The following HIVEP2 variants were observed in gnomAD, a reference collection of about 807,000 sequenced individuals.
The protein encoded by HIVEP2 is HIVEP zinc finger 2.
HIVEP2 carries 14 observed loss-of-function variants against 180.7 expected under a neutral mutation model. The ratio of observed to expected loss-of-function variants is 0.08; its 90% confidence interval spans 0.05 to 0.12. HIVEP2 has a LOEUF of 0.12. Among genes scored for constraint, HIVEP2 ranks in the 10% least tolerant of loss-of-function variants. HIVEP2 has a pLI of 1.00. For synonymous variants in HIVEP2, 1,184 were observed against 1,136.4 expected (o/e 1.04, Z -0.84); for missense variants, 2,579 against 3,008.5 (o/e 0.86, Z 3.34).
At position 142,814,649 on chromosome 6, in the gene HIVEP2, G is replaced by T. The variant is rs908360283; in HGVS notation, c.-528+22286C>A. 1.2e-4 allele frequency among the ~76,000 whole-genome samples: 18 copies of T among 152,220 alleles called. No individual in the cohort carries two copies. The East Asian group carries it at 3.5e-3, about 29-fold the overall frequency. On this transcript the variant is annotated intron_variant, in intron 2 of 9. Coordinates refer to ENST00000367603, the MANE Select transcript of HIVEP2 (RefSeq NM_006734.4). ...CTTGGATGTCTATAGTGATAGTGGG[G>T]CTTTGCATGGAAAGAAGGTAGGACA...
intron 3 of HIVEP2, 127 bp downstream of exon 3, chr6:142,783,394 T>C (rs1240139791): frequency 6.6e-6 from 1 of 151,070 alleles, no homozygotes; most frequent in African/African-American, 2.4e-5. Flanking sequence ...AAACAACACT[T>C]TTCTCTCTAG....
chr6:142,783,147 G>T (rs1775897112), intron 3 of HIVEP2, among the ~76,000 whole-genome samples: 3 of 151,908 alleles, frequency 2.0e-5, no homozygotes, highest in Admixed American at 2.0e-4. Flanking sequence ...GGCCAACATG[G>T]TGAAACCCTG....
At chr6:142,907,007 C>G (rs1463532258) in intron 1 of HIVEP2, among the ~76,000 whole-genome samples, 1 of 152,180 alleles carries the variant, frequency 6.6e-6, no homozygotes, top group Non-Finnish European at 1.5e-5. Flanking sequence ...CAACCAGTAC[C>G]TACCATAAAA....
intron 5 of HIVEP2, 92 bp from the exon 6 acceptor site, chr6:142,768,628 C>A: frequency 2.3e-6 from 3 of 1,331,566 alleles, no homozygotes; most frequent in South Asian, 1.3e-5. Context: ...TGAAAATGAG[C>A]CTAAATTCTG....
At chr6:142,776,372 G>A (rs1775699774) in intron 3 of HIVEP2, among the ~76,000 whole-genome samples, 181 bp from the exon 4 acceptor site, 1 of 152,132 alleles carries the variant, frequency 6.6e-6, no homozygotes, top group Non-Finnish European at 1.5e-5. Context: ...ACCTTACACT[G>A]ACACTGTGAC....
intron 1 of HIVEP2, among the ~76,000 whole-genome samples, chr6:142,875,546 C>A (rs1776413420): frequency 6.6e-6 from 1 of 152,154 alleles, no homozygotes; most frequent in Non-Finnish European, 1.5e-5. Flanking sequence ...AGGACAGATG[C>A]TGGTGGCTTG....
intron 1 of HIVEP2, among the ~76,000 whole-genome samples, chr6:142,880,093 C>T (rs753170802): frequency 1.3e-5 from 2 of 152,142 alleles, no homozygotes; most frequent in Non-Finnish European, 2.9e-5. Flanking sequence ...CCTACCCCCT[C>T]ACTACTCCTC....
intron 9 of HIVEP2, among the ~76,000 whole-genome samples, chr6:142,755,023 C>A (rs9496453): frequency 0.14 from 21,534 of 152,122 alleles, 1,676 homozygotes; most frequent in Middle Eastern, 0.2. Flanking sequence ...TAGATATAAA[C>A]CCATACAGTA....
intron 1 of HIVEP2, among the ~76,000 whole-genome samples, chr6:142,854,735 C>T (rs910517535): frequency 2.0e-5 from 3 of 152,328 alleles, no homozygotes; most frequent in South Asian, 4.1e-4. Context: ...CCACATCCTG[C>T]TTCTTAAGCT....
intron 7 of HIVEP2, among the ~76,000 whole-genome samples, chr6:142,762,685 A>C (rs947715015): frequency 1.3e-5 from 2 of 152,208 alleles, no homozygotes; most frequent in African/African-American, 4.8e-5. Context: ...TCAGCCTGCT[A>C]GCACAGTTTA....
chr6:142,765,530 G>A (rs1460893724), intron 6 of HIVEP2, among the ~76,000 whole-genome samples: 2 of 152,190 alleles, frequency 1.3e-5, no homozygotes, highest in Non-Finnish European at 2.9e-5. Context: ...TACACAGGGT[G>A]AGCTCAGCTC....
chr6:142,775,397 A>G (rs1775673009), intron 4 of HIVEP2, among the ~76,000 whole-genome samples: 1 of 152,166 alleles, frequency 6.6e-6, no homozygotes, highest in Non-Finnish European at 1.5e-5. Flanking sequence ...TTGAAGGAAA[A>G]TCCTTGATGG....
chr6:142,812,630 AG>A (rs1776728572), intron 2 of HIVEP2, among the ~76,000 whole-genome samples: 1 of 152,220 alleles, frequency 6.6e-6, no homozygotes, highest in Non-Finnish European at 1.5e-5. Context: ...TGACCTATAA[AG>A]AGGAGAAAAA....
chr6:142,904,779 T>G (rs1777221948), intron 1 of HIVEP2, among the ~76,000 whole-genome samples: 1 of 152,192 alleles, frequency 6.6e-6, no homozygotes, highest in Non-Finnish European at 1.5e-5. Context: ...CAAGATCAGT[T>G]TATTATCCAT....
chr6:142,795,191 A>T (rs1332471597), intron 2 of HIVEP2, among the ~76,000 whole-genome samples: 1 of 152,204 alleles, frequency 6.6e-6, no homozygotes, highest in African/African-American at 2.4e-5. Context: ...AAATTATAAT[A>T]AATTAAAAAA....
At chr6:142,944,414 C>T (rs1318257111) in intron 1 of HIVEP2, among the ~76,000 whole-genome samples, 1 of 149,846 alleles carries the variant, frequency 6.7e-6, no homozygotes, top group African/African-American at 2.5e-5. Flanking sequence ...TCAGCACCCC[C>T]TCCCCCACAC....
chr6:142,753,817 A>G lies in HIVEP2; in HGVS notation c.6631T>C (p.Phe2211Leu), dbSNP rs1178642973. 6.2e-6 allele frequency: 10 copies of G among 1,613,570 alleles called. No individual in the cohort carries two copies. Among genetic ancestry groups the G allele is most frequent in the Non-Finnish European group, 8.5e-6 (10 of 1,179,596 alleles). The change falls in exon 10 of 10, where the codon TTC (phenylalanine) becomes CTC (leucine). Residue 2211 changes from phenylalanine (F) to leucine (L), a missense_variant. Transcript: ENST00000367603. ...LFPEGPNDYV[F>L]SHLPLHSQQQ... ...TGAGAGTGGAGTGGAAGATGACTGAAGACATAGTCATTAGGACCCTCAGGG... is the reference window on the plus strand; with the variant it reads ...TGAGAGTGGAGTGGAAGATGACTGAGGACATAGTCATTAGGACCCTCAGGG...
At chr6:142,873,673 C>T (rs189912535) in intron 1 of HIVEP2, among the ~76,000 whole-genome samples, 5 of 152,154 alleles carry the variant, frequency 3.3e-5, no homozygotes, top group South Asian at 2.1e-4. Context: ...GATCATATAG[C>T]GCTAGGTTCA....
chr6:142,812,110 A>G (rs1776714086), intron 2 of HIVEP2, among the ~76,000 whole-genome samples: 1 of 152,210 alleles, frequency 6.6e-6, no homozygotes, highest in African/African-American at 2.4e-5. Flanking sequence ...GAGGACTTGG[A>G]GATGGAAGTC....
Sources: gnomAD v4.1 joint callset for allele counts (sites outside exome capture counted in the v4.1 genomes callset) on GRCh38, gnomAD v4.1.1 for gene constraint, MANE v1.5 for transcripts, NCBI Gene and HGNC (gene_info 2026-07-23, HGNC 2026-07-21) for gene names.